The following CAPG variants were observed in gnomAD, a reference collection of about 807,000 sequenced individuals.
The protein encoded by CAPG is macrophage-capping protein.
Under a neutral mutation model 44.6 loss-of-function variants are expected in CAPG, and 32 were observed. That is an observed-to-expected ratio of 0.72 (90% CI 0.54 to 0.96). The LOEUF (loss-of-function observed/expected upper bound fraction) is 0.96, where lower values mean the gene tolerates loss of function less well. Among genes scored for constraint, CAPG ranks in the 50% least tolerant of loss-of-function variants. The probability of loss-of-function intolerance (pLI) is 0.00; values close to 1 mark genes in which losing one functional copy is unlikely to be tolerated. For synonymous variants in CAPG, 175 were observed against 179.6 expected (o/e 0.97, Z 0.20); for missense variants, 412 against 438.3 (o/e 0.94, Z 0.54).
chr2:85,396,293 T>G (rs1345376541), intron 8 of CAPG, among the ~76,000 whole-genome samples: 1 of 151,842 alleles, frequency 6.6e-6, no homozygotes, highest in African/African-American at 2.4e-5. Flanking sequence ...TCAAGCAATC[T>G]GCCCACCTCA....
intron 1 of CAPG, among the ~76,000 whole-genome samples, chr2:85,409,515 C>T (rs1250847899): frequency 3.3e-5 from 5 of 152,024 alleles, no homozygotes; most frequent in Non-Finnish European, 7.4e-5. Flanking sequence ...CCACTGACCC[C>T]CAATAGGTCT....
At chr2:85,406,115 A>G (rs568997871) in intron 1 of CAPG, among the ~76,000 whole-genome samples, 1 of 152,182 alleles carries the variant, frequency 6.6e-6, no homozygotes, top group East Asian at 1.9e-4. Context: ...CAGCCTGGCC[A>G]ACATGGTGAA....
intron 1 of CAPG, among the ~76,000 whole-genome samples, chr2:85,409,025 T>C (rs1261335517): frequency 6.6e-6 from 1 of 152,148 alleles, no homozygotes; most frequent in Non-Finnish European, 1.5e-5. Flanking sequence ...TCTTAAAGCC[T>C]TTACTTTTCC....
At chr2:85,398,186 C>T in intron 7 of CAPG, 34 bp from the exon 8 acceptor site, 1 of 1,606,602 alleles carries the variant, frequency 6.2e-7, no homozygotes, top group Non-Finnish European at 8.5e-7. Flanking sequence ...ATCTCACCCC[C>T]CACACACCAG....
chr2:85,405,656 G>A (rs1687109666), intron 1 of CAPG, among the ~76,000 whole-genome samples: 1 of 152,186 alleles, frequency 6.6e-6, no homozygotes. Flanking sequence ...AATGCTGTGT[G>A]AATTATGACT....
At chr2:85,419,328 C>G (rs1687662302), upstream of CAPG, 1 of 152,370 alleles carries the variant, frequency 6.6e-6, no homozygotes, top group Admixed American at 6.5e-5. Flanking sequence ...CCTCACACCT[C>G]AGGGTCAAAT....
chr2:85,412,916 A>C (rs1687459510), upstream of CAPG, among the ~76,000 whole-genome samples: 1 of 152,214 alleles, frequency 6.6e-6, no homozygotes, highest in Non-Finnish European at 1.5e-5. Flanking sequence ...ATGAGATCCT[A>C]TGATTAATGA....
chr2:85,414,471 G>A (rs900270441), upstream of CAPG, among the ~76,000 whole-genome samples: 3 of 150,588 alleles, frequency 2.0e-5, no homozygotes, highest in African/African-American at 4.9e-5. Context: ...ACTCTGTCGC[G>A]GCACCTGGAG....
chr2:85,405,000 G>A (rs1419516832), intron 1 of CAPG, among the ~76,000 whole-genome samples: 3 of 150,864 alleles, frequency 2.0e-5, no homozygotes, highest in Non-Finnish European at 4.4e-5. Flanking sequence ...TCCTTAACCT[G>A]TTAAAAAGGC....
upstream of CAPG, chr2:85,419,334 C>T (rs1384902830): frequency 6.6e-6 from 1 of 152,344 alleles, no homozygotes; most frequent in Non-Finnish European, 1.5e-5. Context: ...ACCTCAGGGT[C>T]AAATGTCAGA....
intron 5 of CAPG, 47 bp downstream of exon 5, chr2:85,401,118 A>G (rs1573179397): frequency 6.4e-7 from 1 of 1,571,634 alleles, no homozygotes. Flanking sequence ...CCGTCCTTAT[A>G]AAGGATGGTG....
chr2:85,398,062 C>G lies in CAPG; in HGVS notation c.850G>C (p.Val284Leu), dbSNP rs1686689126. Residue 284 changes from valine (V) to leucine (L), a missense_variant, in exon 8 of 10, where the codon GTG becomes CTG. Coordinates refer to ENST00000263867, the MANE Select transcript of CAPG (RefSeq NM_001747.4). ...LELLISDDCF[V>L]LDNGLCGKIY... ...TTGCCACAGAGCCCGTTGTCCAGCA[C>G]AAAGCAGTCATCAGATATCAGCAGT... The G allele has an allele frequency of 1.2e-6, 2 of 1,613,948 alleles. No individual in the cohort carries two copies. The highest frequency in any genetic ancestry group is 1.7e-6 in the Non-Finnish European group (2 of 1,179,996).
At chr2:85,407,984 C>G (rs1212092042) in intron 1 of CAPG, among the ~76,000 whole-genome samples, 1 of 152,084 alleles carries the variant, frequency 6.6e-6, no homozygotes, top group Non-Finnish European at 1.5e-5. Context: ...TCCCAGCCCT[C>G]TGTCCAAGCC....
chr2:85,404,935 C>CAA (rs538367727), intron 1 of CAPG, among the ~76,000 whole-genome samples: 3 of 111,724 alleles, frequency 2.7e-5, no homozygotes, highest in African/African-American at 7.2e-5. Context: ...AACCCCCTCT[C>CAA]AAAAAAAAAA....
At chr2:85,397,686 G>A (rs1417365394) in intron 8 of CAPG, among the ~76,000 whole-genome samples, 1 of 136,464 alleles carries the variant, frequency 7.3e-6, no homozygotes. Flanking sequence ...CTGGGTAACA[G>A]AGCAAGATTC....
intron 5 of CAPG, 32 bp from the exon 6 acceptor site, chr2:85,399,317 C>T (rs1460600347): frequency 1.2e-6 from 2 of 1,609,982 alleles, no homozygotes; most frequent in East Asian, 4.5e-5. Context: ...CGGGTCAGAG[C>T]CAGATGCCTG....
At chr2:85,402,807 G>A (rs1341907265) in intron 1 of CAPG, among the ~76,000 whole-genome samples, 5 of 147,850 alleles carry the variant, frequency 3.4e-5, no homozygotes, top group Non-Finnish European at 7.4e-5. Flanking sequence ...GTCTCACTCT[G>A]TCACTCAGGC....
chr2:85,399,533 C>T (rs534505235), intron 5 of CAPG, among the ~76,000 whole-genome samples: 1 of 152,316 alleles, frequency 6.6e-6, no homozygotes, highest in South Asian at 2.1e-4. Flanking sequence ...CTCTGTCATC[C>T]AGGCTGGAGT....
chr2:85,399,010 C>T, intron 6 of CAPG, 126 bp downstream of exon 6: 1 of 1,130,034 alleles, frequency 8.8e-7, no homozygotes, highest in Non-Finnish European at 1.3e-6. Context: ...TGGCCACAGC[C>T]CTAGGCAGTA....
Sources: gnomAD v4.1 joint callset for allele counts (sites outside exome capture counted in the v4.1 genomes callset) on GRCh38, gnomAD v4.1.1 for gene constraint, MANE v1.5 for transcripts, NCBI Gene and HGNC (gene_info 2026-07-23, HGNC 2026-07-21) for gene names.